The following GAS7 variants were observed in gnomAD, a reference collection of about 807,000 sequenced individuals.
GAS7 encodes growth arrest specific 7, also known as growth arrest-specific protein 7.
Under a neutral mutation model 71.1 loss-of-function variants are expected in GAS7, and 28 were observed. The observed-to-expected ratio is 0.39, with a 90% CI of 0.29 to 0.54. The LOEUF (loss-of-function observed/expected upper bound fraction) is 0.54, where lower values mean the gene tolerates loss of function less well. GAS7 is among the 20% of genes least tolerant of loss of function. The pLI is 0.62. For missense variants in GAS7, 436 were observed against 627.8 expected (o/e 0.69, Z 3.27); for synonymous variants, 258 against 245.8 (o/e 1.05, Z -0.46).
rs1293070792 is a variant in GAS7 at position 9,915,900 on chromosome 17, CA to C, written c.*1327del. On this transcript the variant is annotated 3_prime_UTR_variant, in exon 14 of 14. Transcript: ENST00000432992. ...AAAGGGAGAAAGTAATGAGCTGGGC[CA>C]AACAGCAGCACTGAAAGCTTCCCAA... The C allele has an allele frequency of 2.2e-5, 5 of 232,308 alleles. No homozygotes were observed. The highest frequency in any genetic ancestry group is 1.1e-4 in the African/African-American group (5 of 45,288). The allele number at this position is 232,308 out of a possible 1,614,324, so 14.4% of individuals were successfully genotyped here. A position where few individuals can be genotyped will look rare whatever the true frequency, so the allele number is the denominator to read the frequency against.
intron 3 of GAS7, among the ~76,000 whole-genome samples, chr17:9,980,524 T>C (rs893115435): frequency 2.0e-5 from 3 of 152,218 alleles, no homozygotes; most frequent in South Asian, 2.1e-4. Context: ...GCTCAAGGCA[T>C]TGGAAGATTA....
chr17:10,107,317 G>A (rs565908327), intron 1 of GAS7, among the ~76,000 whole-genome samples: 2 of 151,274 alleles, frequency 1.3e-5, no homozygotes, highest in Admixed American at 6.6e-5. Context: ...TTATAGGAAC[G>A]GCCCCAGGTT....
intron 8 of GAS7, among the ~76,000 whole-genome samples, chr17:9,938,177 G>A (rs2068467983): frequency 6.6e-6 from 1 of 152,062 alleles, no homozygotes; most frequent in Non-Finnish European, 1.5e-5. Flanking sequence ...GGTCATAAGG[G>A]TGCAGCCCTG....
In GAS7 at chr17:10,034,025, A is replaced by T; in HGVS notation, c.184-14128T>A. 1.5e-6 allele frequency: 1 copy of T among 648,322 alleles called. No individual in the cohort carries two copies. The highest frequency in any genetic ancestry group is 1.9e-6 in the Non-Finnish European group (1 of 522,006). The allele number at this position is 648,322 out of a possible 1,614,324, so 40.2% of individuals were successfully genotyped here. ...AATTCTCACCAACCCGATTCAACTA[A>T]CATTTCTGGAGCTGCTGCCGCTGGC... On this transcript the variant is annotated intron_variant, in intron 1 of 13. Transcript: ENST00000432992. The surrounding 1 kb of genome is among the most constrained non-coding windows in gnomAD (Gnocchi z 4.4).
chr17:9,950,491 TA>T (rs1353633798), intron 5 of GAS7, among the ~76,000 whole-genome samples: 1 of 151,474 alleles, frequency 6.6e-6, no homozygotes, highest in Admixed American at 6.6e-5. Context: ...TAGCCTAAGT[TA>T]AAAAAAAATC....
chr17:10,010,910 T>C (rs1196303293), intron 2 of GAS7, among the ~76,000 whole-genome samples: 1 of 152,146 alleles, frequency 6.6e-6, no homozygotes, highest in South Asian at 2.1e-4. Flanking sequence ...AAACCAGCCA[T>C]AGACAATATG....
chr17:9,980,878 A>G (rs1339837555), intron 3 of GAS7, among the ~76,000 whole-genome samples: 2 of 152,168 alleles, frequency 1.3e-5, no homozygotes, highest in South Asian at 4.1e-4. Context: ...ACATTTTTAA[A>G]AAGCCACATG....
At chr17:9,963,412 C>A (rs1181638083) in intron 4 of GAS7, among the ~76,000 whole-genome samples, 1 of 152,074 alleles carries the variant, frequency 6.6e-6, no homozygotes, top group Non-Finnish European at 1.5e-5. Context: ...GAATTGTATA[C>A]ACTTTAAATG....
intron 1 of GAS7, among the ~76,000 whole-genome samples, chr17:10,152,706 C>T (rs2074175716): frequency 6.6e-6 from 1 of 152,130 alleles, no homozygotes; most frequent in African/African-American, 2.4e-5. Flanking sequence ...AACATAAATG[C>T]TCCAATCTGT....
chr17:10,081,635 A>G (rs568440541), intron 1 of GAS7, among the ~76,000 whole-genome samples: 178 of 152,374 alleles, frequency 1.2e-3, no homozygotes, highest in Middle Eastern at 3.4e-3. Flanking sequence ...GAAACCCACA[A>G]GAGAGGAAAT....
Position 9,959,171 on chromosome 17 carries a change from A to G in GAS7, c.525+31T>C, listed in dbSNP as rs752257860. On this transcript the variant is annotated intron_variant, in intron 5 of 13. Coordinates refer to ENST00000432992, the MANE Select transcript of GAS7 (RefSeq NM_201433.2). This position sits in a 1 kb window ranked among gnomAD's most constrained non-coding sequence, Gnocchi z 5.0. The stretch of plus-strand genomic sequence containing the variant: ...AGCCAAATGCCCCAGCTCGCAGCCC[A>G]CCCTGAGGGCGCCCCTCGGGAGCCA... 5 of 1,609,796 alleles carry G rather than the reference A, an allele frequency of 3.1e-6. No individual in the cohort carries two copies. Among genetic ancestry groups the G allele is most frequent in the Non-Finnish European group, 4.2e-6 (5 of 1,177,438 alleles).
chr17:10,065,692 A>G (rs952257380), intron 1 of GAS7, among the ~76,000 whole-genome samples: 1 of 152,238 alleles, frequency 6.6e-6, no homozygotes, highest in Non-Finnish European at 1.5e-5. Context: ...TCTTTTCTAA[A>G]TAAAATAACA....
intron 1 of GAS7, among the ~76,000 whole-genome samples, chr17:10,142,309 T>G (rs1222211014): frequency 1.3e-5 from 2 of 151,946 alleles, no homozygotes; most frequent in Non-Finnish European, 2.9e-5. Flanking sequence ...TTGGAAGAAA[T>G]GTACACACAA....
rs1237663061 is a variant in GAS7 at position 9,974,329 on chromosome 17, C to A, written c.386-4567G>T. Among the ~76,000 whole-genome samples the A allele has an allele frequency of 6.6e-6, 1 of 152,136 alleles. No homozygotes were observed. Among genetic ancestry groups the A allele is most frequent in the Non-Finnish European group, 1.5e-5 (1 of 68,014 alleles). On this transcript the variant is annotated intron_variant, in intron 3 of 13. Coordinates refer to ENST00000432992, the MANE Select transcript of GAS7 (RefSeq NM_201433.2). The surrounding 1 kb of genome is among the most constrained non-coding windows in gnomAD (Gnocchi z 4.0). The stretch of plus-strand genomic sequence containing the variant: ...GTTATAGCCCACAAGATCCTGGCAA[C>A]CCTCACCCACGGCATTCCTCATTGC...
At chr17:10,051,786 C>G (rs896066956) in intron 1 of GAS7, among the ~76,000 whole-genome samples, 1 of 152,142 alleles carries the variant, frequency 6.6e-6, no homozygotes, top group African/African-American at 2.4e-5. Flanking sequence ...TTTCGTACCC[C>G]AGATCGATCG....
intron 4 of GAS7, among the ~76,000 whole-genome samples, chr17:9,967,598 T>A (rs2069773301): frequency 6.9e-6 from 1 of 145,978 alleles, no homozygotes; most frequent in African/African-American, 2.6e-5. Flanking sequence ...TGACTATATA[T>A]GCAATGTGTG....
At chr17:9,948,362 G>A (rs1328794057) in intron 5 of GAS7, among the ~76,000 whole-genome samples, 1 of 152,218 alleles carries the variant, frequency 6.6e-6, no homozygotes, top group African/African-American at 2.4e-5. Context: ...GTCACGATGT[G>A]TATCATACGA....
At position 10,005,219 on chromosome 17, in the gene GAS7, G is replaced by A. The variant is rs1353266669; in HGVS notation, c.304+14558C>T. On this transcript the variant is annotated intron_variant, in intron 2 of 13. Coordinates refer to ENST00000432992, the MANE Select transcript of GAS7 (RefSeq NM_201433.2). ...CATGCATGTGTGTGCATGTGCGCGT[G>A]TGCATGTATGTGTATGTGCGCGCAT... Among the ~76,000 whole-genome samples, 240 of 126,296 alleles carry A rather than the reference G, an allele frequency of 1.9e-3. 1 individual carries two copies. Among genetic ancestry groups the A allele is most frequent in the African/African-American group, 9.4e-3 (231 of 24,642 alleles). The allele number at this position is 126,296 out of a possible 152,430, so 82.9% of individuals were successfully genotyped here. A position where few individuals can be genotyped will look rare whatever the true frequency, so the allele number is the denominator to read the frequency against.
At chr17:9,918,303 C>G (rs1323902110) in intron 12 of GAS7, among the ~76,000 whole-genome samples, 1 of 152,218 alleles carries the variant, frequency 6.6e-6, no homozygotes, top group African/African-American at 2.4e-5. Context: ...TCCTGAAATC[C>G]TGCTCCGCCA....
Sources: gnomAD v4.1 joint callset for allele counts (sites outside exome capture counted in the v4.1 genomes callset) on GRCh38, gnomAD v4.1.1 for gene constraint, Gnocchi (gnomAD v3.1) non-coding constraint, MANE v1.5 for transcripts, NCBI Gene and HGNC (gene_info 2026-07-23, HGNC 2026-07-21) for gene names.